Variants in MINAR2 observed in about 807,000 individuals in gnomAD.
MINAR2 encodes membrane integral NOTCH2 associated receptor 2.
A neutral mutation model predicts 16.1 loss-of-function variants in MINAR2; 21 were observed. The ratio of observed to expected loss-of-function variants is 1.31; its 90% confidence interval spans 0.93 to 1.88. MINAR2 has a LOEUF of 1.88. MINAR2 is among the 40% of genes most tolerant of loss of function. MINAR2 has a pLI of 0.00. For synonymous variants in MINAR2, 86 were observed against 83.0 expected (o/e 1.04, Z -0.20); for missense variants, 259 against 229.8 (o/e 1.13, Z -0.82).
Position 129,748,135 on chromosome 5 carries a change from A to T in MINAR2, c.-56A>T. ...TCCTCAGGCACATTAATAATGGAGG[A>T]GTCTGACAAGAGCAGCTTTGCCTGT... On this transcript the variant is annotated 5_prime_UTR_variant, in exon 1 of 3. Transcript: ENST00000564719. 1 of 1,469,842 alleles carries T rather than the reference A, an allele frequency of 6.8e-7. No homozygotes were observed. Among genetic ancestry groups the T allele is most frequent in the Non-Finnish European group, 9.1e-7 (1 of 1,094,818 alleles). The allele number at this position is 1,469,842 out of a possible 1,614,324, so 91.0% of individuals were successfully genotyped here. A position where few individuals can be genotyped will look rare whatever the true frequency, so the allele number is the denominator to read the frequency against.
chr5:129,761,421 T>A lies in MINAR2; in HGVS notation c.393+816T>A, dbSNP rs540781577. Among the ~76,000 whole-genome samples, 14 of 152,112 alleles carry A rather than the reference T, an allele frequency of 9.2e-5. No homozygotes were observed. The South Asian group carries it at 2.7e-3, about 29-fold the overall frequency. ...GCCCCATACCTTAAGCACTCGAGAA[T>A]TTTTTTCTTTTTTTTTTAAAGAGGA... On this transcript the variant is annotated intron_variant, in intron 2 of 2. Coordinates refer to ENST00000564719, the MANE Select transcript of MINAR2 (RefSeq NM_001257308.2).
At position 129,766,309 on chromosome 5, in the gene MINAR2, A is replaced by G. The variant is rs901702018; in HGVS notation, c.*1246A>G. On this transcript the variant is annotated 3_prime_UTR_variant, in exon 3 of 3. Coordinates refer to ENST00000564719, the MANE Select transcript of MINAR2 (RefSeq NM_001257308.2). ...TGATATTGCCATATCATTTTGTTGT[A>G]TTTGTCTTAAAGATGCTTGAAATAA... 1 of 152,194 alleles carries G rather than the reference A, an allele frequency of 6.6e-6. No individual in the cohort carries two copies. The highest frequency in any genetic ancestry group is 1.5e-5 in the Non-Finnish European group (1 of 68,032). 9.4% of individuals were successfully genotyped at this position (152,194 alleles called of 1,614,324 possible).
intron 1 of MINAR2, among the ~76,000 whole-genome samples, chr5:129,758,439 A>C (rs536609939): frequency 6.6e-6 from 1 of 152,194 alleles, no homozygotes; most frequent in South Asian, 2.1e-4. Flanking sequence ...AATAAATAGC[A>C]CTATGCTCTA....
intron 1 of MINAR2, among the ~76,000 whole-genome samples, chr5:129,759,027 G>A (rs965876726): frequency 6.6e-6 from 1 of 151,970 alleles, no homozygotes; most frequent in Non-Finnish European, 1.5e-5. Flanking sequence ...ATCCAACACC[G>A]AAGAGAATGG....
In MINAR2 at chr5:129,766,680, CCA is replaced by C. The variant is rs1758225773; in HGVS notation, c.*1618_*1619del. 4.2e-5 allele frequency: 6 copies of C among 143,016 alleles called. No homozygotes were observed. Among genetic ancestry groups the C allele is most frequent in the African/African-American group, 1.6e-4 (6 of 36,828 alleles). The allele number at this position is 143,016 out of a possible 1,614,324, so 8.9% of individuals were successfully genotyped here. A position where few individuals can be genotyped will look rare whatever the true frequency, so the allele number is the denominator to read the frequency against. On this transcript the variant is annotated 3_prime_UTR_variant, in exon 3 of 3. Transcript: ENST00000564719. ...AACAAACAAACAAACAAAAAAAACC[CCA>C]AAAAAAGAGACAGTTTTACTGGACA...
intron 1 of MINAR2, among the ~76,000 whole-genome samples, chr5:129,759,321 A>C (rs2149546296): frequency 6.6e-6 from 1 of 152,270 alleles, no homozygotes; most frequent in East Asian, 1.9e-4. Flanking sequence ...AAGATTATCT[A>C]AAATTAACTT....
chr5:129,757,425 T>C (rs1561684827), intron 1 of MINAR2, among the ~76,000 whole-genome samples: 2 of 152,082 alleles, frequency 1.3e-5, no homozygotes, highest in African/African-American at 4.8e-5. Context: ...TGAATCTTTA[T>C]ATTTTAGGCA....
rs537399451 is a variant in MINAR2 at position 129,765,136 on chromosome 5, C to A, written c.*73C>A. The A allele has an allele frequency of 8.0e-6, 7 of 871,100 alleles. No homozygotes were observed. In the East Asian group the frequency reaches 1.6e-4, roughly 20 times the overall value. 54.0% of individuals were successfully genotyped at this position (871,100 alleles called of 1,614,324 possible). A position where few individuals can be genotyped will look rare whatever the true frequency, so the allele number is the denominator to read the frequency against. On this transcript the variant is annotated 3_prime_UTR_variant, in exon 3 of 3. Transcript: ENST00000564719. ...TGATAAACATTTGAAACCCCCCCCA[C>A]CAAAATAACAAAAAAACACATGTAC...
At chr5:129,762,276 G>A (rs920755351) in intron 2 of MINAR2, among the ~76,000 whole-genome samples, 6 of 151,978 alleles carry the variant, frequency 3.9e-5, no homozygotes, top group Non-Finnish European at 8.8e-5. Flanking sequence ...CACAAAAAAA[G>A]AAACCAAAAT....
At chr5:129,758,806 A>G (rs1758088196) in intron 1 of MINAR2, among the ~76,000 whole-genome samples, 1 of 152,068 alleles carries the variant, frequency 6.6e-6, no homozygotes, top group Non-Finnish European at 1.5e-5. Flanking sequence ...TTATCAAATT[A>G]CTTTTTTCTC....
At chr5:129,759,624 T>C (rs1311956960) in intron 1 of MINAR2, among the ~76,000 whole-genome samples, 1 of 152,106 alleles carries the variant, frequency 6.6e-6, no homozygotes, top group Non-Finnish European at 1.5e-5. Context: ...CTATTATAGT[T>C]ATGCTTTGGG....
intron 1 of MINAR2, among the ~76,000 whole-genome samples, chr5:129,748,674 A>G (rs1757948551): frequency 6.6e-6 from 1 of 152,062 alleles, no homozygotes; most frequent in Non-Finnish European, 1.5e-5. Context: ...CACAAATAAG[A>G]CTTTGGGGGA....
At chr5:129,751,576 A>G (rs921791816) in intron 1 of MINAR2, among the ~76,000 whole-genome samples, 10 of 152,148 alleles carry the variant, frequency 6.6e-5, no homozygotes, top group African/African-American at 2.4e-4. Context: ...GTTCCCATCT[A>G]TGCAGATACT....
intron 2 of MINAR2, among the ~76,000 whole-genome samples, chr5:129,761,900 G>C (rs1369292940): frequency 2.0e-5 from 3 of 152,078 alleles, no homozygotes; most frequent in Non-Finnish European, 4.4e-5. Context: ...GATAAAGGAA[G>C]CTAACGGTAA....
chr5:129,755,235 A>AT (rs1251837667), intron 1 of MINAR2, among the ~76,000 whole-genome samples: 1 of 152,028 alleles, frequency 6.6e-6, no homozygotes, highest in Non-Finnish European at 1.5e-5. Context: ...ATATTGTAGG[A>AT]TTCTGTTCAG....
rs1034580154 is a variant in MINAR2 at position 129,765,780 on chromosome 5, G to A, written c.*717G>A. ...TTATCCAAATTGGCTGTGACCCCTGGTGGCAGTCAGTGTGCATATATTACC... is the reference window on the plus strand; with the variant it reads ...TTATCCAAATTGGCTGTGACCCCTGATGGCAGTCAGTGTGCATATATTACC... On this transcript the variant is annotated 3_prime_UTR_variant, in exon 3 of 3. Transcript: ENST00000564719. 6.6e-6 allele frequency: 1 copy of A among 152,060 alleles called. No individual in the cohort carries two copies. Among genetic ancestry groups the A allele is most frequent in the Admixed American group, 6.5e-5 (1 of 15,270 alleles). 9.4% of individuals were successfully genotyped at this position (152,060 alleles called of 1,614,324 possible).
intron 1 of MINAR2, among the ~76,000 whole-genome samples, chr5:129,757,394 T>G (rs1758069444): frequency 6.6e-6 from 1 of 151,978 alleles, no homozygotes; most frequent in Admixed American, 6.6e-5. Flanking sequence ...AATTTTTATA[T>G]TTTTTTACTC....
At chr5:129,750,253 C>T (rs2149544555) in intron 1 of MINAR2, among the ~76,000 whole-genome samples, 1 of 152,252 alleles carries the variant, frequency 6.6e-6, no homozygotes, top group Non-Finnish European at 1.5e-5. Context: ...CAATAAATGT[C>T]ATAGAAATGG....
chr5:129,753,480 C>CA (rs758914420), intron 1 of MINAR2, among the ~76,000 whole-genome samples: 57,510 of 100,672 alleles, frequency 0.57, 16,777 homozygotes, highest in Non-Finnish European at 0.63. Flanking sequence ...AAGACTGTCT[C>CA]AAAAAAAAAA....
Sources: allele counts gnomAD v4.1 joint callset (sites outside exome capture counted in the v4.1 genomes callset), GRCh38; gene constraint gnomAD v4.1.1; transcripts MANE v1.5; gene names NCBI Gene and HGNC (gene_info 2026-07-23, HGNC 2026-07-21).